PSD3: variants seen among roughly 807,000 people sequenced by gnomAD.
PSD3 encodes the protein pleckstrin and Sec7 domain containing 3, also known as PH and SEC7 domain-containing protein 3.
A neutral mutation model predicts 105.5 loss-of-function variants in PSD3; 49 were observed. That is an observed-to-expected ratio of 0.46 (90% CI 0.37 to 0.59). The LOEUF is 0.59. Among genes scored for constraint, PSD3 ranks in the 20% least tolerant of loss-of-function variants. The pLI, the probability that PSD3 is intolerant of heterozygous loss-of-function variation, is 0.00. For missense variants in PSD3, 1,561 were observed against 1,263.8 expected, an observed-to-expected ratio of 1.24 and a Z score of -3.57; for synonymous variants, 557 against 457.8, an observed-to-expected ratio of 1.22 and a Z score of -2.77.
intron 1 of PSD3, among the ~76,000 whole-genome samples, chr8:19,011,407 T>C (rs1402822645): frequency 6.6e-6 from 1 of 152,182 alleles, no homozygotes; most frequent in African/African-American, 2.4e-5. Context: ...CACGCTAAAT[T>C]CCACTCAAAT....
chr8:18,536,029 T>C, intron 15 of PSD3, 71 bp from the exon 16 acceptor site: 2 of 1,418,144 alleles, frequency 1.4e-6, no homozygotes, highest in Admixed American at 3.4e-5. Context: ...CACACTTGTG[T>C]ATTACCCACC....
intron 1 of PSD3, among the ~76,000 whole-genome samples, chr8:18,982,469 A>G (rs963809411): frequency 6.6e-6 from 1 of 152,184 alleles, no homozygotes; most frequent in African/African-American, 2.4e-5. Flanking sequence ...AAGGCTTTCA[A>G]TTGACTTTGC....
At chr8:19,033,915 A>G (rs57331544) in intron 1 of PSD3, among the ~76,000 whole-genome samples, 27,956 of 152,112 alleles carry the variant, frequency 0.18, 4,148 homozygotes, top group African/African-American at 0.4. Context: ...ATTTAAATCT[A>G]GATTGGTTCA....
At chr8:18,548,192 T>G (rs1184906326) in intron 15 of PSD3, among the ~76,000 whole-genome samples, 1 of 152,156 alleles carries the variant, frequency 6.6e-6, no homozygotes, top group Non-Finnish European at 1.5e-5. Flanking sequence ...ACTTTTGTTC[T>G]TGTATTGTTT....
chr8:18,704,869 A>G (rs1801798338), intron 9 of PSD3, among the ~76,000 whole-genome samples: 1 of 152,246 alleles, frequency 6.6e-6, no homozygotes, highest in Non-Finnish European at 1.5e-5. Flanking sequence ...TTTAAAAAAA[A>G]TAAAAAGGTT....
At chr8:18,945,188 C>T (rs991705938) in intron 1 of PSD3, among the ~76,000 whole-genome samples, 1 of 152,216 alleles carries the variant, frequency 6.6e-6, no homozygotes, top group Non-Finnish European at 1.5e-5. Context: ...TGTCACCTTA[C>T]ATGGCATAGC....
Position 18,607,695 on chromosome 8 carries a change from AC to A in PSD3, c.2411-7262del, listed in dbSNP as rs1417211246. 2.2e-3 allele frequency among the ~76,000 whole-genome samples: 195 copies of A among 89,862 alleles called. 22 individuals are homozygous for A. The highest frequency in any genetic ancestry group is 6.2e-3 in the African/African-American group (119 of 19,228). The allele number at this position is 89,862 out of a possible 152,430, so 59.0% of individuals were successfully genotyped here. On this transcript the variant is annotated intron_variant, in intron 11 of 15. Coordinates refer to ENST00000327040, the MANE Select transcript of PSD3 (RefSeq NM_015310.4). ...GACTCCACTGCTACAAAAAAAAAAA[AC>A]AAAACAAAAAAAAAAAGGAAGTCAG...
At chr8:18,575,061 T>C (rs1269012662) in intron 13 of PSD3, 67 bp downstream of exon 13, 1 of 1,480,300 alleles carries the variant, frequency 6.8e-7, no homozygotes, top group East Asian at 2.4e-5. Context: ...CTTGATTTTG[T>C]TCCTTGCAAT....
At chr8:18,596,803 T>C (rs980889093) in intron 12 of PSD3, among the ~76,000 whole-genome samples, 2 of 152,056 alleles carry the variant, frequency 1.3e-5, no homozygotes, top group African/African-American at 4.8e-5. Context: ...AATGGATCTG[T>C]AATAATAAGG....
At chr8:18,969,692 G>C (rs1206255147) in intron 1 of PSD3, among the ~76,000 whole-genome samples, 1 of 152,104 alleles carries the variant, frequency 6.6e-6, no homozygotes, top group Non-Finnish European at 1.5e-5. Flanking sequence ...TATTAGCCTT[G>C]GCTATCTTAC....
At chr8:18,659,056 C>T (rs980771914) in intron 9 of PSD3, among the ~76,000 whole-genome samples, 2 of 152,164 alleles carry the variant, frequency 1.3e-5, no homozygotes, top group African/African-American at 4.8e-5. Flanking sequence ...ATGGACAGAT[C>T]TGCGTGGCTA....
At chr8:18,570,975 T>C (rs564300867) in intron 14 of PSD3, among the ~76,000 whole-genome samples, 1 of 152,062 alleles carries the variant, frequency 6.6e-6, no homozygotes, top group Non-Finnish European at 1.5e-5. Context: ...TTCTCCTGTG[T>C]CCACCTCCCA....
intron 4 of PSD3, among the ~76,000 whole-genome samples, chr8:18,843,313 A>G (rs2129451511): frequency 6.7e-6 from 1 of 148,328 alleles, no homozygotes; most frequent in Admixed American, 6.8e-5. Flanking sequence ...GTGAGCCGAG[A>G]TCGCACGAGA....
chr8:18,916,422 T>C (rs1820613267), intron 2 of PSD3, among the ~76,000 whole-genome samples: 1 of 142,186 alleles, frequency 7.0e-6, no homozygotes, highest in African/African-American at 2.6e-5. Flanking sequence ...GAAAATCCCA[T>C]CATTTGTGAC....
chr8:18,592,488 G>T (rs1803685144), intron 12 of PSD3, among the ~76,000 whole-genome samples: 1 of 152,172 alleles, frequency 6.6e-6, no homozygotes, highest in Non-Finnish European at 1.5e-5. Flanking sequence ...GAAGGAAACA[G>T]ACATCCAGAT....
chr8:18,793,066 A>G (rs893382062), intron 8 of PSD3, among the ~76,000 whole-genome samples: 6 of 152,166 alleles, frequency 3.9e-5, no homozygotes, highest in Admixed American at 1.3e-4. Context: ...TGAGCAAACT[A>G]CCGCAAGGAC....
At chr8:19,065,285 G>A (rs980307993) in intron 1 of PSD3, among the ~76,000 whole-genome samples, 4 of 152,190 alleles carry the variant, frequency 2.6e-5, no homozygotes, top group African/African-American at 9.7e-5. Flanking sequence ...CCAAACGTGT[G>A]TGTGGTGGGA....
intron 9 of PSD3, among the ~76,000 whole-genome samples, chr8:18,741,913 A>C (rs993388298): frequency 2.0e-5 from 3 of 152,192 alleles, no homozygotes; most frequent in Non-Finnish European, 4.4e-5. Flanking sequence ...AGTACAACTG[A>C]AATGAGATCT....
intron 2 of PSD3, among the ~76,000 whole-genome samples, chr8:18,894,722 C>T (rs935843016): frequency 6.6e-6 from 1 of 152,132 alleles, no homozygotes; most frequent in African/African-American, 2.4e-5. Flanking sequence ...AAGCTACATT[C>T]GCATCTGTCT....
Sources: allele counts gnomAD v4.1 joint callset (sites outside exome capture counted in the v4.1 genomes callset), GRCh38; gene constraint gnomAD v4.1.1; transcripts MANE v1.5; gene names NCBI Gene and HGNC (gene_info 2026-07-23, HGNC 2026-07-21).